NRCAM: variants seen among roughly 807,000 people sequenced by gnomAD.
NRCAM encodes the protein NgCAM-related cell adhesion molecule.
A neutral mutation model predicts 156.5 loss-of-function variants in NRCAM; 83 were observed. The observed-to-expected ratio is 0.53, with a 90% CI of 0.44 to 0.64. The LOEUF is 0.64. NRCAM is among the 30% of genes least tolerant of loss of function. The pLI, the probability that NRCAM is intolerant of heterozygous loss-of-function variation, is 0.00. For synonymous variants in NRCAM, 538 were observed against 563.9 expected (o/e 0.95, Z 0.65); for missense variants, 1,417 against 1,597.3 (o/e 0.89, Z 1.92).
At chr7:108,396,050 C>T (rs1034364661) in intron 2 of NRCAM, among the ~76,000 whole-genome samples, 3 of 152,184 alleles carry the variant, frequency 2.0e-5, no homozygotes, top group Admixed American at 6.5e-5. Flanking sequence ...CAGCACTCAC[C>T]CCTTATCCAC....
chr7:108,181,959 G>A, intron 23 of NRCAM, 22 bp from the exon 24 acceptor site: 1 of 1,526,970 alleles, frequency 6.5e-7, no homozygotes, highest in Non-Finnish European at 9.1e-7. Flanking sequence ...ACAGGGAAGT[G>A]GTAGAAGTAT....
intron 1 of NRCAM, among the ~76,000 whole-genome samples, chr7:108,442,584 C>T (rs1215838447): frequency 1.3e-5 from 2 of 152,060 alleles, no homozygotes; most frequent in African/African-American, 4.8e-5. Flanking sequence ...ATAGATTAAC[C>T]ATTCAAAGTA....
intron 2 of NRCAM, among the ~76,000 whole-genome samples, chr7:108,350,024 T>A (rs1037762053): frequency 2.6e-5 from 4 of 152,214 alleles, no homozygotes; most frequent in Admixed American, 2.6e-4. Context: ...CTCCTTTAGT[T>A]CCCTGAATCT....
At chr7:108,166,776 C>A in intron 30 of NRCAM, 145 bp downstream of exon 30, 1 of 589,994 alleles carries the variant, frequency 1.7e-6, no homozygotes, top group Admixed American at 3.4e-5. Context: ...AGACAAAAAC[C>A]AAAACTCCCA....
intron 2 of NRCAM, among the ~76,000 whole-genome samples, chr7:108,352,871 T>TA (rs1012030076): frequency 1.3e-5 from 2 of 152,104 alleles, no homozygotes; most frequent in Non-Finnish European, 2.9e-5. Context: ...AATATAAGTT[T>TA]AAAAAAACCC....
chr7:108,336,641 C>T (rs1023251622), intron 2 of NRCAM, among the ~76,000 whole-genome samples: 1 of 152,152 alleles, frequency 6.6e-6, no homozygotes, highest in Non-Finnish European at 1.5e-5. Flanking sequence ...TCTGAGGAAA[C>T]CCAACCTAAT....
chr7:108,270,298 T>C (rs908786216), intron 3 of NRCAM, among the ~76,000 whole-genome samples: 1 of 152,196 alleles, frequency 6.6e-6, no homozygotes, highest in Non-Finnish European at 1.5e-5. Flanking sequence ...GAAAACTACC[T>C]AGTGATGCCT....
intron 3 of NRCAM, among the ~76,000 whole-genome samples, chr7:108,308,461 T>C (rs560354238): frequency 2.0e-4 from 31 of 152,326 alleles, no homozygotes; most frequent in Admixed American, 2.6e-4. Context: ...TGCTCTACAT[T>C]TCATGTACTG....
intron 3 of NRCAM, among the ~76,000 whole-genome samples, chr7:108,280,652 A>T (rs770586348): frequency 3.3e-5 from 5 of 152,206 alleles, no homozygotes; most frequent in Non-Finnish European, 5.9e-5. Context: ...AAATAGTTTG[A>T]CCGTTGTCCA....
intron 15 of NRCAM, 141 bp downstream of exon 15, chr7:108,195,620 G>GAA (rs34680676): frequency 0.23 from 123,345 of 535,534 alleles, 9,171 homozygotes; most frequent in Non-Finnish European, 0.26. Context: ...TGTCTCACAA[G>GAA]AAAAAAAAAT....
chr7:108,177,854 G>A (rs1037959543), intron 26 of NRCAM, 136 bp downstream of exon 26: 9 of 617,910 alleles, frequency 1.5e-5, no homozygotes, highest in African/African-American at 1.9e-5. Context: ...ATGAATATGC[G>A]AATTCCCCTG....
chr7:108,235,671 A>G (rs1305295577), intron 5 of NRCAM, among the ~76,000 whole-genome samples: 2 of 151,910 alleles, frequency 1.3e-5, no homozygotes, highest in African/African-American at 4.8e-5. Context: ...ATTTGTTTCC[A>G]CCCTTCCAGG....
intron 1 of NRCAM, among the ~76,000 whole-genome samples, chr7:108,408,081 A>G (rs188128681): frequency 6.6e-6 from 1 of 152,242 alleles, no homozygotes; most frequent in African/African-American, 2.4e-5. Context: ...ATCATTTTCA[A>G]CTACAAACAA....
chr7:108,177,766 A>C (rs2061499702), intron 26 of NRCAM, among the ~76,000 whole-genome samples: 2 of 151,282 alleles, frequency 1.3e-5, no homozygotes, highest in Non-Finnish European at 2.9e-5. Flanking sequence ...ACAAAGACTA[A>C]GTTCTGGTGT....
In NRCAM at chr7:108,343,263, C is replaced by A. The variant is rs553166830; in HGVS notation, c.-173-30532G>T. On this transcript the variant is annotated intron_variant, in intron 2 of 32. Transcript: ENST00000379028. ...GAAAAAGGGTAAATATATATACAGA[C>A]TCTAAGTATGCTTACCTAGTCCTCC... Among the ~76,000 whole-genome samples the A allele has an allele frequency of 1.0e-3, 154 of 152,308 alleles. 3 individuals carry two copies. The highest frequency in any genetic ancestry group is 3.7e-3 in the African/African-American group (152 of 41,572).
intron 12 of NRCAM, 29 bp downstream of exon 12, chr7:108,209,392 G>A (rs1480038616): frequency 6.8e-7 from 1 of 1,463,836 alleles, no homozygotes; most frequent in Non-Finnish European, 9.2e-7. Context: ...TCTCATGAAG[G>A]CAAGAAGAAT....
chr7:108,321,606 C>T (rs2099002072), intron 2 of NRCAM, among the ~76,000 whole-genome samples: 1 of 152,162 alleles, frequency 6.6e-6, no homozygotes, highest in African/African-American at 2.4e-5. Flanking sequence ...ATACCACCTA[C>T]CAAAGGCCCC....
At position 108,198,065 on chromosome 7, in the gene NRCAM, G is replaced by A. The variant is rs746601628; in HGVS notation, c.1242C>T (p.Gly414=). Residue 414 remains glycine (G), a synonymous_variant, in exon 14 of 33, where the codon GGC becomes GGT. Transcript: ENST00000379028. The part of the protein sequence containing the change: ...APDDPSRKID[G]DTIIFSNVQE... ...GAACATTTGAAAAAATAATGGTATCGCCATCTATTTTTCTGCTGGGGTCAT... is the reference window on the plus strand; with the variant it reads ...GAACATTTGAAAAAATAATGGTATCACCATCTATTTTTCTGCTGGGGTCAT... 1.2e-5 allele frequency: 19 copies of A among 1,606,016 alleles called. No individual in the cohort carries two copies. Among genetic ancestry groups the A allele is most frequent in the Non-Finnish European group, 1.4e-5 (16 of 1,176,364 alleles).
At chr7:108,150,806 T>A (rs1011984905) in intron 32 of NRCAM, 14 of 464,176 alleles carry the variant, frequency 3.0e-5, no homozygotes, top group Non-Finnish European at 4.8e-5. Flanking sequence ...TTTTTTTGTT[T>A]TTTTGGTAAA....
Sources: gnomAD v4.1 joint callset for allele counts (sites outside exome capture counted in the v4.1 genomes callset) on GRCh38, gnomAD v4.1.1 for gene constraint, MANE v1.5 for transcripts, NCBI Gene and HGNC (gene_info 2026-07-23, HGNC 2026-07-21) for gene names.